Variants in CPSF7 observed in about 807,000 individuals in gnomAD.
The protein encoded by CPSF7 is cleavage and polyadenylation specific factor 7.
CPSF7 carries 1 observed loss-of-function variant against 44.3 expected under a neutral mutation model. That is an observed-to-expected ratio of 0.02 (90% CI 0.01 to 0.11). CPSF7 has a LOEUF of 0.11. Among genes scored for constraint, CPSF7 ranks in the 10% least tolerant of loss-of-function variants. CPSF7 has a pLI of 1.00. For synonymous variants in CPSF7, 202 were observed against 222.0 expected (o/e 0.91, Z 0.80); for missense variants, 443 against 607.2 (o/e 0.73, Z 2.84).
Position 61,403,112 on chromosome 11 carries a change from G to A in CPSF7, c.*1598C>T, listed in dbSNP as rs760008847. 6.6e-6 allele frequency: 1 copy of A among 152,458 alleles called. No homozygotes were observed. The highest frequency in any genetic ancestry group is 1.5e-5 in the Non-Finnish European group (1 of 68,024). 9.4% of individuals were successfully genotyped at this position (152,458 alleles called of 1,614,324 possible). A position where few individuals can be genotyped will look rare whatever the true frequency, so the allele number is the denominator to read the frequency against. On this transcript the variant is annotated 3_prime_UTR_variant, in exon 10 of 10. Coordinates refer to ENST00000439958, the MANE Select transcript of CPSF7 (RefSeq NM_001142565.3). The stretch of plus-strand genomic sequence containing the variant: ...GACAGGGGAAAAAAAGCTCCAACCT[G>A]TAGCCTCTGTCCCAAGGGAATGTGC...
At position 61,429,880 on chromosome 11, in the gene CPSF7, GCCCAACCTGCCCCCGACCGCGCGCC is replaced by G; in HGVS notation, c.-56+9_-56+33del. On this transcript the variant is annotated intron_variant, in intron 1 of 9. Transcript: ENST00000439958. ...AGTGCCGGCCCGGACCCCTCTTCCG[GCCCAACCTGCCCCCGACCGCGCGCC>G]CCCGTTACCGGGAATATGGCGGCGG... 1 of 1,528,186 alleles carries G rather than the reference GCCCAACCTGCCCCCGACCGCGCGCC, an allele frequency of 6.5e-7. No homozygotes were observed. Among genetic ancestry groups the G allele is most frequent in the Non-Finnish European group, 8.8e-7 (1 of 1,137,264 alleles). The allele number at this position is 1,528,186 out of a possible 1,614,324, so 94.7% of individuals were successfully genotyped here.
chr11:61,414,926 A>C (rs1860175391), intron 7 of CPSF7, among the ~76,000 whole-genome samples: 1 of 152,160 alleles, frequency 6.6e-6, no homozygotes, highest in Admixed American at 6.6e-5. Flanking sequence ...TCCTAAATGT[A>C]ATCAGATTTC....
At chr11:61,413,879 G>T (rs1434304394) in intron 7 of CPSF7, among the ~76,000 whole-genome samples, 1 of 152,158 alleles carries the variant, frequency 6.6e-6, no homozygotes, top group Non-Finnish European at 1.5e-5. Flanking sequence ...AAACTATGGA[G>T]AAACTGTCCA....
At chr11:61,414,432 G>A (rs905543083) in intron 7 of CPSF7, among the ~76,000 whole-genome samples, 10 of 152,150 alleles carry the variant, frequency 6.6e-5, no homozygotes, top group African/African-American at 2.4e-4. Flanking sequence ...ACAGGCATGA[G>A]CCACTGCACC....
chr11:61,424,333 C>A (rs879834631), intron 2 of CPSF7, among the ~76,000 whole-genome samples: 1 of 152,206 alleles, frequency 6.6e-6, no homozygotes, highest in African/African-American at 2.4e-5. Flanking sequence ...ACAAATCACT[C>A]TTCTATTCAT....
Position 61,419,961 on chromosome 11 carries a change from G to C in CPSF7, c.511C>G (p.Gln171Glu). Residue 171 changes from glutamine (Q) to glutamate (E), a missense_variant, in exon 5 of 10, where the codon CAG becomes GAG. By Grantham distance (29) the Gln-to-Glu change is conservative (BLOSUM62 2). Coordinates refer to ENST00000439958, the MANE Select transcript of CPSF7 (RefSeq NM_001142565.3). ...CGGACACACTCACGTTTCCGAGCCT[G>C]TGCCTCAAACTGTGACAGGTTCTGC... The part of the protein sequence containing the change: ...TRQNLSQFEA[Q>E]ARKRIPPRAH... 1 of 1,613,966 alleles carries C rather than the reference G, an allele frequency of 6.2e-7. No individual in the cohort carries two copies.
Position 61,415,040 on chromosome 11 carries a change from C to G in CPSF7, c.1057+626G>C, listed in dbSNP as rs569738305. Among the ~76,000 whole-genome samples, 4 of 152,212 alleles carry G rather than the reference C, an allele frequency of 2.6e-5. No homozygotes were observed. The South Asian group carries it at 8.3e-4, about 32-fold the overall frequency. ...TCACTTGTGGTCAGGAGTTCAAGAC[C>G]ATCCTGGCCAATATGATGAAACCCT... On this transcript the variant is annotated intron_variant, in intron 7 of 9. Transcript: ENST00000439958.
At chr11:61,429,740 G>A (rs1374217128) in intron 1 of CPSF7, 174 bp downstream of exon 1, 23 of 1,524,690 alleles carry the variant, frequency 1.5e-5, no homozygotes, top group Admixed American at 2.0e-5. Flanking sequence ...GGCCCGCCCC[G>A]CTCCCTCCCG....
At chr11:61,406,676 G>A (rs1282130013) in intron 9 of CPSF7, among the ~76,000 whole-genome samples, 1 of 152,210 alleles carries the variant, frequency 6.6e-6, no homozygotes, top group Non-Finnish European at 1.5e-5. Flanking sequence ...TATTGTTACA[G>A]CATTTTCAAA....
At chr11:61,423,132 G>GAAAAAT (rs1320881290) in intron 2 of CPSF7, among the ~76,000 whole-genome samples, 1 of 101,810 alleles carries the variant, frequency 9.8e-6, no homozygotes. Flanking sequence ...AAAAAAAAAG[G>GAAAAAT]GTTCAGGATT....
intron 2 of CPSF7, among the ~76,000 whole-genome samples, chr11:61,428,204 C>T (rs1283503756): frequency 6.6e-6 from 1 of 152,190 alleles, no homozygotes. Flanking sequence ...TTTTAAGAGT[C>T]AGGGTCTTGT....
At chr11:61,413,371 C>T (rs1394867141) in intron 7 of CPSF7, among the ~76,000 whole-genome samples, 1 of 152,076 alleles carries the variant, frequency 6.6e-6, no homozygotes, top group Non-Finnish European at 1.5e-5. Flanking sequence ...GTGGCTCACA[C>T]TTGTAATCCC....
At chr11:61,407,272 G>A (rs1434757776) in intron 9 of CPSF7, among the ~76,000 whole-genome samples, 2 of 152,168 alleles carry the variant, frequency 1.3e-5, no homozygotes, top group African/African-American at 4.8e-5. Context: ...AGACGACAGT[G>A]CATGCTCTGC....
At chr11:61,407,332 A>G (rs924653776) in intron 9 of CPSF7, among the ~76,000 whole-genome samples, 6 of 152,316 alleles carry the variant, frequency 3.9e-5, no homozygotes, top group African/African-American at 1.4e-4. Context: ...TCAGCTCCAA[A>G]AGACATACAC....
chr11:61,406,063 A>AGTTGAG (rs1489378666), intron 9 of CPSF7: 1 of 152,254 alleles, frequency 6.6e-6, no homozygotes, highest in Non-Finnish European at 1.5e-5. Context: ...ATAATGAGAT[A>AGTTGAG]ACTGACATAG....
chr11:61,410,924 G>A lies in CPSF7; in HGVS notation c.*5+14C>T, dbSNP rs1859794979. The A allele has an allele frequency of 6.4e-7, 1 of 1,563,522 alleles. No homozygotes were observed. Among genetic ancestry groups the A allele is most frequent in the African/African-American group, 1.4e-5 (1 of 72,132 alleles). ...AAAAATCCCCCAGCAGCCAGGAACG[G>A]GGCTTCTCCCCACCTTTCTCAGTGG... On this transcript the variant is annotated intron_variant, in intron 9 of 9. Coordinates refer to ENST00000439958, the MANE Select transcript of CPSF7 (RefSeq NM_001142565.3).
chr11:61,429,655 G>A (rs1262763354), intron 1 of CPSF7: 4 of 1,345,446 alleles, frequency 3.0e-6, no homozygotes, highest in Non-Finnish European at 4.1e-6. Context: ...AGGCGGCTCC[G>A]GCCAGAGCCC....
At chr11:61,418,372 A>G (rs1221757726) in intron 5 of CPSF7, among the ~76,000 whole-genome samples, 1 of 152,178 alleles carries the variant, frequency 6.6e-6, no homozygotes, top group African/African-American at 2.4e-5. Context: ...GCACTTTATG[A>G]GGTCAGGAAA....
At chr11:61,420,361 T>C in intron 4 of CPSF7, 109 bp downstream of exon 4, 1 of 999,754 alleles carries the variant, frequency 1.0e-6, no homozygotes, top group South Asian at 1.5e-5. Context: ...ACCAAGGCAG[T>C]AAGCTGGGCC....
Sources: gnomAD v4.1 joint callset for allele counts (sites outside exome capture counted in the v4.1 genomes callset) on GRCh38, gnomAD v4.1.1 for gene constraint, MANE v1.5 for transcripts, NCBI Gene and HGNC (gene_info 2026-07-23, HGNC 2026-07-21) for gene names.